The following CNBD1 variants were observed in gnomAD, a reference collection of about 807,000 sequenced individuals.
CNBD1 encodes the protein cyclic nucleotide binding domain containing 1, also known as cyclic nucleotide-binding domain-containing protein 1.
In CNBD1, 71 loss-of-function variants were observed where a neutral mutation model predicts 54.4. That is an observed-to-expected ratio of 1.30 (90% CI 1.08 to 1.59). The LOEUF (loss-of-function observed/expected upper bound fraction) is 1.59, where lower values mean the gene tolerates loss of function less well. Ranked by LOEUF, CNBD1 falls within the 40% of genes most tolerant of loss-of-function variation. The pLI, the probability that CNBD1 is intolerant of heterozygous loss-of-function variation, is 0.00. For missense variants in CNBD1, 659 were observed against 518.0 expected (o/e 1.27, Z -2.64); for synonymous variants, 182 against 170.7 (o/e 1.07, Z -0.51).
At chr8:87,080,116 G>A (rs747225001) in intron 4 of CNBD1, among the ~76,000 whole-genome samples, 1 of 152,198 alleles carries the variant, frequency 6.6e-6, no homozygotes, top group East Asian at 1.9e-4. Context: ...AATCAATTGA[G>A]CCTACATTTC....
chr8:86,903,245 A>G (rs748044730), intron 2 of CNBD1, among the ~76,000 whole-genome samples: 2 of 152,150 alleles, frequency 1.3e-5, no homozygotes, highest in Non-Finnish European at 2.9e-5. Context: ...GCAGCTAACT[A>G]AGGTTATACA....
At chr8:86,899,249 A>ATAC (rs1285252604) in intron 2 of CNBD1, among the ~76,000 whole-genome samples, 2 of 152,152 alleles carry the variant, frequency 1.3e-5, no homozygotes, top group African/African-American at 4.8e-5. Context: ...GAGATCTAAT[A>ATAC]TACGATATGA....
At chr8:87,196,376 A>G (rs1204259825) in intron 4 of CNBD1, among the ~76,000 whole-genome samples, 3 of 152,232 alleles carry the variant, frequency 2.0e-5, no homozygotes, top group Non-Finnish European at 2.9e-5. Flanking sequence ...TAAGTTGCAG[A>G]AAAATGCAAA....
chr8:87,269,315 T>A (rs967823019), intron 6 of CNBD1, among the ~76,000 whole-genome samples: 1 of 152,130 alleles, frequency 6.6e-6, no homozygotes, highest in Admixed American at 6.6e-5. Context: ...GCTGTTTTGG[T>A]TACTATAGCC....
chr8:86,963,403 G>A (rs1356019440), intron 4 of CNBD1, among the ~76,000 whole-genome samples: 1 of 152,142 alleles, frequency 6.6e-6, no homozygotes, highest in Non-Finnish European at 1.5e-5. Flanking sequence ...TCTGCCTCAG[G>A]TCTATTGTTC....
rs545489233 is a variant in CNBD1, at chr8:87,134,905, A to G, written c.432-71088A>G. Among the ~76,000 whole-genome samples, 49 of 152,172 alleles carry G rather than the reference A, an allele frequency of 3.2e-4. No individual in the cohort carries two copies. In the East Asian group the frequency reaches 7.9e-3, roughly 25 times the overall value. ...ATTACAGGCGTGAGCCACCACGCCC[A>G]GCCAGATTCCAATTTTAATCTTGAA... On this transcript the variant is annotated intron_variant, in intron 4 of 10. Coordinates refer to ENST00000518476, the MANE Select transcript of CNBD1 (RefSeq NM_173538.3).
chr8:87,205,884 C>G, intron 4 of CNBD1, 109 bp from the exon 5 acceptor site: 1 of 904,314 alleles, frequency 1.1e-6, no homozygotes, highest in South Asian at 3.1e-5. Context: ...TTTTAAAAAC[C>G]CTTAACTAAA....
At chr8:87,315,365 A>G (rs542460893) in intron 8 of CNBD1, among the ~76,000 whole-genome samples, 35 of 152,156 alleles carry the variant, frequency 2.3e-4, no homozygotes, top group Non-Finnish European at 4.3e-4. Flanking sequence ...GAAGCTAGGT[A>G]ATTTATTTTA....
chr8:87,289,813 A>C (rs562982334), intron 8 of CNBD1, among the ~76,000 whole-genome samples: 2 of 152,072 alleles, frequency 1.3e-5, no homozygotes, highest in Non-Finnish European at 2.9e-5. Flanking sequence ...CTTCCAGTTC[A>C]ATTTACTCTT....
At chr8:87,367,190 G>A (rs904561959) in intron 10 of CNBD1, among the ~76,000 whole-genome samples, 2 of 152,054 alleles carry the variant, frequency 1.3e-5, no homozygotes, top group Admixed American at 6.6e-5. Context: ...GACAAACTTT[G>A]AGAGGGCAGG....
At chr8:87,306,038 C>A (rs1299325420) in intron 8 of CNBD1, among the ~76,000 whole-genome samples, 1 of 151,950 alleles carries the variant, frequency 6.6e-6, no homozygotes, top group African/African-American at 2.4e-5. Context: ...GAATCTACAA[C>A]AAACTCAAAT....
intron 2 of CNBD1, among the ~76,000 whole-genome samples, chr8:87,408,101 G>T (rs1020029402): frequency 3.3e-5 from 5 of 151,808 alleles, no homozygotes; most frequent in Non-Finnish European, 5.9e-5. Flanking sequence ...CTTCTTCGTT[G>T]ATTATCTTTC....
At chr8:86,980,174 G>A (rs148256305) in intron 4 of CNBD1, among the ~76,000 whole-genome samples, 1 of 152,302 alleles carries the variant, frequency 6.6e-6, no homozygotes, top group East Asian at 1.9e-4. Context: ...GTCACACAGT[G>A]TACCATAATT....
chr8:87,202,793 C>A (rs1366450813), intron 4 of CNBD1, among the ~76,000 whole-genome samples: 1 of 152,104 alleles, frequency 6.6e-6, no homozygotes, highest in Non-Finnish European at 1.5e-5. Flanking sequence ...AAATAGAAGG[C>A]CTCGACTAGG....
At position 86,992,920 on chromosome 8, in the gene CNBD1, A is replaced by G. The variant is rs530352829; in HGVS notation, c.431+53166A>G. On this transcript the variant is annotated intron_variant, in intron 4 of 10. Transcript: ENST00000518476. ...TTTACTTTGGCGAAATCTGAAAGGC[A>G]CTATATGCCTTGGTGATAGTCATCT... is the stretch of plus-strand genomic sequence containing the variant. Among the ~76,000 whole-genome samples, 6 of 152,310 alleles carry G rather than the reference A, an allele frequency of 3.9e-5. No homozygotes were observed. The South Asian group carries it at 1.0e-3, about 26-fold the overall frequency.
In CNBD1 at chr8:87,349,398, C is replaced by T. The variant is rs550592523; in HGVS notation, c.1043-2287C>T. Among the ~76,000 whole-genome samples the T allele has an allele frequency of 1.6e-4, 25 of 151,690 alleles. 1 individual carries two copies. The South Asian group carries it at 2.7e-3, about 16-fold the overall frequency. ...GTGAAGATACAATTTTTTTTTGAGG[C>T]GGAGTCTCACTCTGTCGCTCAGGTG... On this transcript the variant is annotated intron_variant, in intron 8 of 10. Transcript: ENST00000518476.
At chr8:87,142,727 T>G (rs1308001573) in intron 4 of CNBD1, among the ~76,000 whole-genome samples, 1 of 152,168 alleles carries the variant, frequency 6.6e-6, no homozygotes, top group Non-Finnish European at 1.5e-5. Flanking sequence ...TCATTAATTT[T>G]GAAGAACTTT....
At chr8:87,176,089 T>C (rs543075618) in intron 4 of CNBD1, among the ~76,000 whole-genome samples, 2 of 152,162 alleles carry the variant, frequency 1.3e-5, no homozygotes, top group African/African-American at 4.8e-5. Flanking sequence ...AGGGGCAGGG[T>C]GGGTGATGGG....
At chr8:86,997,459 T>C (rs1048732737) in intron 4 of CNBD1, among the ~76,000 whole-genome samples, 2 of 152,194 alleles carry the variant, frequency 1.3e-5, no homozygotes, top group Non-Finnish European at 2.9e-5. Flanking sequence ...TTTGATTTGG[T>C]ATTTCAGACT....
Sources: gnomAD v4.1 joint callset for allele counts (sites outside exome capture counted in the v4.1 genomes callset) on GRCh38, gnomAD v4.1.1 for gene constraint, MANE v1.5 for transcripts, NCBI Gene and HGNC (gene_info 2026-07-23, HGNC 2026-07-21) for gene names.